The following IGFL4 variants were observed in gnomAD, a reference collection of about 807,000 sequenced individuals.
IGFL4 encodes the protein insulin growth factor-like family member 4.
Under a neutral mutation model 15.4 loss-of-function variants are expected in IGFL4, and 12 were observed. That is an observed-to-expected ratio of 0.78 (90% CI 0.50 to 1.26). The LOEUF is 1.26. Ranked by LOEUF, IGFL4 falls within the 50% of genes most tolerant of loss-of-function variation. The pLI is 0.00. For synonymous variants in IGFL4, 54 were observed against 55.9 expected (o/e 0.97, Z 0.16); for missense variants, 126 against 147.8 (o/e 0.85, Z 0.76).
chr19:46,047,432 T>C (rs1462752685), intron 2 of IGFL4, among the ~76,000 whole-genome samples: 7 of 151,648 alleles, frequency 4.6e-5, no homozygotes, highest in Admixed American at 2.6e-4. Flanking sequence ...AAGCAATAAC[T>C]GAAGGAGATA....
Position 46,040,626 on chromosome 19 carries a change from G to A in IGFL4, c.20-58C>T, listed in dbSNP as rs1467761044. The A allele has an allele frequency of 1.3e-6, 2 of 1,567,300 alleles. No homozygotes were observed. Among genetic ancestry groups the A allele is most frequent in the Non-Finnish European group, 1.8e-6 (2 of 1,138,728 alleles). On this transcript the variant is annotated intron_variant, in intron 1 of 3. Transcript: ENST00000377697. This position sits in a 1 kb window ranked among gnomAD's most constrained non-coding sequence, Gnocchi z 4.1. ...GAGGTCACTAGGTCTTGACCACGGG[G>A]CACAGGATGATGTCTCTGAGCTTCT...
intron 2 of IGFL4, chr19:46,059,315 T>C (rs1404079199): frequency 6.6e-6 from 1 of 152,196 alleles, no homozygotes; most frequent in African/African-American, 2.4e-5. Flanking sequence ...AAGGCAACTC[T>C]TAATCCTAAG....
intron 2 of IGFL4, among the ~76,000 whole-genome samples, chr19:46,052,577 C>G (rs1266474539): frequency 5.3e-5 from 8 of 152,034 alleles, no homozygotes; most frequent in Non-Finnish European, 1.0e-4. Context: ...CAAAAATTAG[C>G]TGGGTGTGGT....
intron 1 of IGFL4, among the ~76,000 whole-genome samples, chr19:46,062,196 C>T (rs1283971406): frequency 6.6e-6 from 1 of 152,206 alleles, no homozygotes; most frequent in Non-Finnish European, 1.5e-5. Flanking sequence ...CCAGGCCAAA[C>T]TGCCAATATT....
intron 1 of IGFL4, among the ~76,000 whole-genome samples, chr19:46,070,911 C>G (rs1354333426): frequency 6.6e-6 from 1 of 152,060 alleles, no homozygotes; most frequent in African/African-American, 2.4e-5. Flanking sequence ...AAAAATTAAT[C>G]ATCCTCAAAT....
chr19:46,043,938 C>A (rs1407204393), upstream of IGFL4, among the ~76,000 whole-genome samples: 1 of 152,144 alleles, frequency 6.6e-6, no homozygotes, highest in Non-Finnish European at 1.5e-5. Context: ...TGACTAGAAG[C>A]AGCTGTGGTC....
chr19:46,055,191 C>T (rs569278233), intron 2 of IGFL4, among the ~76,000 whole-genome samples: 1 of 152,180 alleles, frequency 6.6e-6, no homozygotes, highest in Non-Finnish European at 1.5e-5. Flanking sequence ...AAGTAACATG[C>T]CTTCCTGGGA....
chr19:46,058,342 C>T (rs902365422), intron 2 of IGFL4: 3 of 152,078 alleles, frequency 2.0e-5, no homozygotes, highest in Non-Finnish European at 4.4e-5. Context: ...TTTCTCACAT[C>T]CAAGTTATGC....
intron 1 of IGFL4, among the ~76,000 whole-genome samples, chr19:46,067,036 T>C (rs1031968734): frequency 2.6e-5 from 4 of 152,134 alleles, no homozygotes; most frequent in African/African-American, 7.2e-5. Flanking sequence ...AACTCTGCAA[T>C]CTTGCTGTGG....
At chr19:46,071,438 G>T (rs954763123) in intron 1 of IGFL4, among the ~76,000 whole-genome samples, 2 of 152,196 alleles carry the variant, frequency 1.3e-5, no homozygotes, top group African/African-American at 4.8e-5. Flanking sequence ...CCAGGGATCT[G>T]GAGAAGTTTC....
intron 1 of IGFL4, among the ~76,000 whole-genome samples, chr19:46,063,874 G>A (rs8102630): frequency 0.85 from 129,794 of 152,192 alleles, 55,798 homozygotes; most frequent in African/African-American, 0.93. Context: ...TTTAATAAGT[G>A]ATTCTCCTTA....
At chr19:46,066,178 C>T (rs182235214) in intron 1 of IGFL4, among the ~76,000 whole-genome samples, 1 of 152,146 alleles carries the variant, frequency 6.6e-6, no homozygotes, top group African/African-American at 2.4e-5. Context: ...CATCTTGACA[C>T]CATATATCAA....
intron 1 of IGFL4, among the ~76,000 whole-genome samples, chr19:46,072,924 G>A (rs1390578679): frequency 1.3e-5 from 2 of 152,156 alleles, no homozygotes; most frequent in Non-Finnish European, 2.9e-5. Flanking sequence ...AAACCCCGTA[G>A]TTAATGGATA....
chr19:46,063,200 C>A (rs1473078318), intron 1 of IGFL4, among the ~76,000 whole-genome samples: 2 of 152,208 alleles, frequency 1.3e-5, no homozygotes, highest in South Asian at 2.1e-4. Flanking sequence ...TGAATATAAA[C>A]CCTGAATTGG....
chr19:46,039,581 G>A lies in IGFL4; in HGVS notation c.*311C>T, dbSNP rs892996626. Among the ~76,000 whole-genome samples the A allele has an allele frequency of 1.4e-5, 2 of 144,364 alleles. No individual in the cohort carries two copies. The highest frequency in any genetic ancestry group is 3.0e-5 in the Non-Finnish European group (2 of 66,414). 94.7% of individuals were successfully genotyped at this position (144,364 alleles called of 152,430 possible). ...CTTTTATTTCCTTGAGCAGTGGTTT[G>A]TAGTTCTCCTTGAAGAGGTCCTTCA... On this transcript the variant is annotated 3_prime_UTR_variant, in exon 4 of 4. Transcript: ENST00000377697.
intron 2 of IGFL4, chr19:46,058,923 T>C (rs923682427): frequency 5.9e-5 from 9 of 152,354 alleles, no homozygotes; most frequent in African/African-American, 2.2e-4. Flanking sequence ...TTCCCAGAAC[T>C]GGGGGTTCCT....
chr19:46,042,348 G>A (rs529644847), upstream of IGFL4, among the ~76,000 whole-genome samples: 1 of 152,104 alleles, frequency 6.6e-6, no homozygotes, highest in South Asian at 2.1e-4. Flanking sequence ...CAGCTGCTGC[G>A]GAAACAGACC....
intron 2 of IGFL4, among the ~76,000 whole-genome samples, chr19:46,055,611 A>G (rs527619623): frequency 2.6e-4 from 39 of 152,324 alleles, no homozygotes; most frequent in Non-Finnish European, 3.7e-4. Context: ...AAACTACATC[A>G]TTAATTGCAT....
In IGFL4 at chr19:46,040,678, G is replaced by T; in HGVS notation, c.20-110C>A. The T allele has an allele frequency of 7.6e-7, 1 of 1,314,118 alleles. No homozygotes were observed. Among genetic ancestry groups the T allele is most frequent in the Non-Finnish European group, 1.1e-6 (1 of 925,182 alleles). The allele number at this position is 1,314,118 out of a possible 1,614,324, so 81.4% of individuals were successfully genotyped here. A position where few individuals can be genotyped will look rare whatever the true frequency, so the allele number is the denominator to read the frequency against. On this transcript the variant is annotated intron_variant, in intron 1 of 3. Coordinates refer to ENST00000377697, the MANE Select transcript of IGFL4 (RefSeq NM_001002923.3). The surrounding 1 kb of genome is among the most constrained non-coding windows in gnomAD (Gnocchi z 4.1). The stretch of plus-strand genomic sequence containing the variant: ...TGGTTGCTGTTAACAGCTCAGAGTG[G>T]ATTTTGGGACTGGCTGTGGGTGCAG...
Sources: allele counts gnomAD v4.1 joint callset (sites outside exome capture counted in the v4.1 genomes callset), GRCh38; gene constraint gnomAD v4.1.1; non-coding constraint Gnocchi (gnomAD v3.1); transcripts MANE v1.5; gene names NCBI Gene and HGNC (gene_info 2026-07-23, HGNC 2026-07-21).